Variants in AP1B1 observed in about 807,000 individuals in gnomAD.
AP1B1 encodes the protein AP-1 complex subunit beta-1.
Under a neutral mutation model 104.3 loss-of-function variants are expected in AP1B1, and 36 were observed. The observed-to-expected ratio is 0.35, with a 90% confidence interval of 0.26 to 0.46. The LOEUF is 0.46. Ranked by LOEUF, AP1B1 falls within the 20% of genes least tolerant of loss-of-function variation. AP1B1 has a pLI of 1.00. For missense variants in AP1B1, 901 were observed against 1,247.9 expected (o/e 0.72, Z 4.19); for synonymous variants, 504 against 517.5 (o/e 0.97, Z 0.35).
chr22:29,332,675 G>C (rs529001642), intron 17 of AP1B1, among the ~76,000 whole-genome samples: 210 of 152,310 alleles, frequency 1.4e-3, no homozygotes, highest in African/African-American at 4.9e-3. Flanking sequence ...GGAGGAGCAG[G>C]CCTGTGTCAG....
chr22:29,359,799 CCA>C, intron 4 of AP1B1, 23 bp downstream of exon 4: 1 of 1,604,418 alleles, frequency 6.2e-7, no homozygotes, highest in Non-Finnish European at 8.5e-7. Flanking sequence ...CCCAATGTCC[CCA>C]CGCCCACCAA....
At chr22:29,359,747 G>T in intron 4 of AP1B1, 77 bp downstream of exon 4, 1 of 1,537,240 alleles carries the variant, frequency 6.5e-7, no homozygotes, top group Non-Finnish European at 8.8e-7. Context: ...GTGCCACAGG[G>T]CCCCGCCCCA....
chr22:29,351,513 G>A (rs2147982252), intron 8 of AP1B1, 192 bp downstream of exon 8: 3 of 873,724 alleles, frequency 3.4e-6, no homozygotes, highest in East Asian at 2.7e-5. Context: ...GTGATAACAT[G>A]GAGAAACATT....
At chr22:29,332,295 A>C (rs1455249412) in intron 17 of AP1B1, 2 of 172,668 alleles carry the variant, frequency 1.2e-5, no homozygotes, top group East Asian at 3.2e-4. Context: ...CTACCTTGAA[A>C]ACTCTGGGAC....
At chr22:29,368,395 A>G (rs1767030859) in intron 1 of AP1B1, among the ~76,000 whole-genome samples, 1 of 152,222 alleles carries the variant, frequency 6.6e-6, no homozygotes, top group South Asian at 2.1e-4. Flanking sequence ...TCTCCTATGT[A>G]CCTCAGTAGT....
At chr22:29,386,008 G>A (rs1034203992) in intron 1 of AP1B1, among the ~76,000 whole-genome samples, 3 of 152,198 alleles carry the variant, frequency 2.0e-5, no homozygotes, top group Admixed American at 1.3e-4. Context: ...AAAGTCCTGC[G>A]TACATTAAGG....
At chr22:29,353,379 C>T (rs2061906916) in intron 7 of AP1B1, among the ~76,000 whole-genome samples, 1 of 152,112 alleles carries the variant, frequency 6.6e-6, no homozygotes, top group Non-Finnish European at 1.5e-5. Context: ...CAAAAGCTGC[C>T]CAGCCACATC....
At chr22:29,332,089 C>T (rs981127541) in intron 17 of AP1B1, 173 bp from the exon 18 acceptor site, 9 of 614,084 alleles carry the variant, frequency 1.5e-5, no homozygotes, top group Admixed American at 9.7e-5. Flanking sequence ...TCCCCTCCCC[C>T]AGATGGCCAT....
chr22:29,330,809 G>A lies in AP1B1; in HGVS notation c.2525-100C>T, dbSNP rs1209243964. The A allele has an allele frequency of 7.9e-6, 8 of 1,012,722 alleles. No homozygotes were observed. In the Admixed American group the frequency reaches 8.6e-5, roughly 11 times the overall value. 62.7% of individuals were successfully genotyped at this position (1,012,722 alleles called of 1,614,324 possible). A position where few individuals can be genotyped will look rare whatever the true frequency, so the allele number is the denominator to read the frequency against. Reference sequence around the variant, plus strand: ...ATGGGTCTGGCCTTTACTGTGCCACGTGAAAGCTGACAACAGGCACTAGCT... The same window carrying A: ...ATGGGTCTGGCCTTTACTGTGCCACATGAAAGCTGACAACAGGCACTAGCT... On this transcript the variant is annotated intron_variant, in intron 19 of 22. Coordinates refer to ENST00000357586, the MANE Select transcript of AP1B1 (RefSeq NM_001127.4).
chr22:29,365,508 C>G (rs566569169), intron 2 of AP1B1, among the ~76,000 whole-genome samples: 1 of 152,144 alleles, frequency 6.6e-6, no homozygotes. Flanking sequence ...AAACAAACAA[C>G]AAAACCCACC....
chr22:29,328,934 C>T lies in AP1B1; in HGVS notation c.2776-39G>A. On this transcript the variant is annotated intron_variant, in intron 22 of 22. Transcript: ENST00000357586. This position sits in a 1 kb window ranked among gnomAD's most constrained non-coding sequence, Gnocchi z 4.1. The stretch of plus-strand genomic sequence containing the variant: ...AGGGGTCGGGGGAAAGAGCGCTCAT[C>T]CCTGGGGTTCCTCTCAGGAAGGAAA... The T allele has an allele frequency of 6.3e-7, 1 of 1,587,610 alleles. No individual in the cohort carries two copies. The highest frequency in any genetic ancestry group is 8.5e-7 in the Non-Finnish European group (1 of 1,169,910).
intron 16 of AP1B1, among the ~76,000 whole-genome samples, chr22:29,336,039 A>G (rs933139005): frequency 6.6e-6 from 1 of 152,170 alleles, no homozygotes; most frequent in Non-Finnish European, 1.5e-5. Context: ...GCTCTTGGTC[A>G]CTATGGGTTC....
chr22:29,354,751 T>C lies in AP1B1; in HGVS notation c.837A>G (p.Thr279=). Residue 279 remains threonine, a synonymous_variant, in exon 7 of 23, where the codon ACA becomes ACG. Transcript: ENST00000357586. ...GGGGTGGGGCCAGCTTCTTGAGCAG[T>C]GTGCCGTAGTAGTCCAAGTCCTTAG... is the stretch of plus-strand genomic sequence containing the variant. ...MLSKDLDYYG[T]LLKKLAPPLV... is the part of the protein sequence containing the mutation. 6.2e-7 allele frequency: 1 copy of C among 1,614,092 alleles called. No individual in the cohort carries two copies. Among genetic ancestry groups the C allele is most frequent in the Non-Finnish European group, 8.5e-7 (1 of 1,180,022 alleles).
chr22:29,363,387 T>C (rs924205785), intron 2 of AP1B1, among the ~76,000 whole-genome samples: 2 of 152,210 alleles, frequency 1.3e-5, no homozygotes, highest in Non-Finnish European at 2.9e-5. Context: ...CAGTGGCTCA[T>C]GCCTGTAATC....
chr22:29,330,100 T>G, intron 21 of AP1B1: 1 of 1,415,518 alleles, frequency 7.1e-7, no homozygotes, highest in Non-Finnish European at 9.2e-7. Flanking sequence ...CACTTCCCAG[T>G]CAGGGGTGCC....
intron 6 of AP1B1, among the ~76,000 whole-genome samples, chr22:29,355,134 G>A (rs1364355932): frequency 1.3e-5 from 2 of 152,020 alleles, no homozygotes; most frequent in African/African-American, 4.8e-5. Flanking sequence ...GTACTCAGGA[G>A]GCTGAGACAT....
At position 29,341,578 on chromosome 22, in the gene AP1B1, G is replaced by T; in HGVS notation, c.1719C>A (p.Val573=). The change falls in exon 13 of 23, where the codon GTC becomes GTA. Residue 573 remains valine (V), a synonymous_variant. Coordinates refer to ENST00000357586, the MANE Select transcript of AP1B1 (RefSeq NM_001127.4). ...LICYIGTLAS[V]YHKPPSAFVE... ...CAAAGGCACTGGGAGGCTTATGGTA[G>T]ACGGAAGCCAGCGTGCCGATGTAGC... 6.2e-7 allele frequency: 1 copy of T among 1,614,246 alleles called. No individual in the cohort carries two copies. The highest frequency in any genetic ancestry group is 8.5e-7 in the Non-Finnish European group (1 of 1,180,046).
rs1330930327 is a variant in AP1B1, at chr22:29,336,901, G to A, written c.2163+2089C>T. Among the ~76,000 whole-genome samples the A allele has an allele frequency of 2.6e-5, 4 of 151,992 alleles. No individual in the cohort carries two copies. In the East Asian group the frequency reaches 7.7e-4, roughly 29 times the overall value. ...TTTTCCTGGCAGCTCTGCAGTGCCTGGCAAGGGCTGGCACCCACAGGGTTA... is the reference window on the plus strand; with the variant it reads ...TTTTCCTGGCAGCTCTGCAGTGCCTAGCAAGGGCTGGCACCCACAGGGTTA... On this transcript the variant is annotated intron_variant, in intron 16 of 22. Coordinates refer to ENST00000357586, the MANE Select transcript of AP1B1 (RefSeq NM_001127.4).
At chr22:29,367,166 G>A (rs1254962483) in intron 2 of AP1B1, 41 bp downstream of exon 2, 16 of 1,598,248 alleles carry the variant, frequency 1.0e-5, no homozygotes, top group Admixed American at 1.7e-5. Context: ...GGGACAGGAA[G>A]AGAAAGCATA....
Sources: gnomAD v4.1 joint callset for allele counts (sites outside exome capture counted in the v4.1 genomes callset) on GRCh38, gnomAD v4.1.1 for gene constraint, Gnocchi (gnomAD v3.1) non-coding constraint, MANE v1.5 for transcripts, NCBI Gene and HGNC (gene_info 2026-07-23, HGNC 2026-07-21) for gene names.